Variants in LRRC69 observed in about 807,000 individuals in gnomAD.
LRRC69 encodes leucine rich repeat containing 69.
Under a neutral mutation model 37.8 loss-of-function variants are expected in LRRC69, and 42 were observed. The observed-to-expected ratio is 1.11, with a 90% confidence interval of 0.87 to 1.44. The LOEUF is 1.44. Ranked by LOEUF, LRRC69 falls within the 40% of genes most tolerant of loss-of-function variation. The pLI, the probability that LRRC69 is intolerant of heterozygous loss-of-function variation, is 0.00. For synonymous variants in LRRC69, 141 were observed against 143.1 expected (o/e 0.99, Z 0.11); for missense variants, 357 against 401.9 (o/e 0.89, Z 0.96).
At chr8:91,103,205 GATGCTGTTC>G (rs1264859416) in intron 1 of LRRC69, among the ~76,000 whole-genome samples, 2 of 152,152 alleles carry the variant, frequency 1.3e-5, no homozygotes, top group Non-Finnish European at 2.9e-5. Context: ...GGATCCAGGA[GATGCTGTTC>G]ACCCTGGGGA....
chr8:91,167,428 C>T (rs1446500542), intron 5 of LRRC69, among the ~76,000 whole-genome samples: 1 of 151,618 alleles, frequency 6.6e-6, no homozygotes, highest in Non-Finnish European at 1.5e-5. Context: ...CTTCCACTGG[C>T]TCCCTCCGAC....
chr8:91,179,933 G>A (rs1419063519), intron 5 of LRRC69, among the ~76,000 whole-genome samples: 1 of 152,164 alleles, frequency 6.6e-6, no homozygotes, highest in Non-Finnish European at 1.5e-5. Context: ...GTTTCCAACA[G>A]AATGTTAAGC....
chr8:91,149,601 G>GT (rs1808691675), intron 5 of LRRC69, among the ~76,000 whole-genome samples: 1 of 151,940 alleles, frequency 6.6e-6, no homozygotes, highest in African/African-American at 2.4e-5. Context: ...CTTTAAAGTA[G>GT]TTTTTTCCAA....
At chr8:91,176,134 A>ATATATATATATATTTTTTTTTTT in intron 5 of LRRC69, among the ~76,000 whole-genome samples, 2 of 75,700 alleles carry the variant, frequency 2.6e-5, no homozygotes, top group African/African-American at 1.2e-4. Flanking sequence ...ATATATATAT[A>ATATATATATATATTTTTTTTTTT]TTTTTTTTTT....
At chr8:91,191,052 C>CT (rs796536791) in intron 6 of LRRC69, among the ~76,000 whole-genome samples, 103 of 145,460 alleles carry the variant, frequency 7.1e-4, no homozygotes, top group African/African-American at 2.4e-3. Context: ...CCCCCCCCCC[C>CT]CCAAGTCAAA....
intron 1 of LRRC69, among the ~76,000 whole-genome samples, chr8:91,104,628 C>T (rs1423411214): frequency 6.6e-6 from 1 of 151,902 alleles, no homozygotes; most frequent in Non-Finnish European, 1.5e-5. Context: ...CATCCTCTGC[C>T]CCACTCTATG....
chr8:91,195,199 G>T, intron 6 of LRRC69, among the ~76,000 whole-genome samples: 2 of 151,740 alleles, frequency 1.3e-5, no homozygotes, highest in African/African-American at 2.4e-5. Context: ...TTGCACTGTG[G>T]TCTGAGAGAT....
intron 5 of LRRC69, among the ~76,000 whole-genome samples, chr8:91,149,910 G>A (rs573618591): frequency 1.3e-5 from 2 of 151,998 alleles, no homozygotes; most frequent in Admixed American, 6.6e-5. Flanking sequence ...GTATAAGAAT[G>A]CTGTGATGTT....
At chr8:91,114,343 C>T (rs1197652365) in intron 1 of LRRC69, among the ~76,000 whole-genome samples, 3 of 151,746 alleles carry the variant, frequency 2.0e-5, no homozygotes, top group South Asian at 2.1e-4. Context: ...AAGAGGTATC[C>T]GCACTCACAT....
intron 1 of LRRC69, among the ~76,000 whole-genome samples, chr8:91,114,966 G>T (rs1280319026): frequency 6.6e-6 from 1 of 151,954 alleles, no homozygotes. Flanking sequence ...AATACTACAT[G>T]ATTTCATTTA....
At position 91,197,101 on chromosome 8, in the gene LRRC69, G is replaced by A. The variant is rs1166139137; in HGVS notation, c.754-3512G>A. Among the ~76,000 whole-genome samples, 14 of 152,066 alleles carry A rather than the reference G, an allele frequency of 9.2e-5. No homozygotes were observed. The South Asian group carries it at 1.0e-3, about 11-fold the overall frequency. On this transcript the variant is annotated intron_variant, in intron 6 of 7. Coordinates refer to ENST00000448384, the Ensembl canonical transcript of LRRC69. ...TGCAGGTCTGTTGGAGTACCCTGCG[G>A]TGTGAGGTGTCAGTGTGCCCCTGCT...
chr8:91,187,777 T>G (rs1458182091), intron 5 of LRRC69, among the ~76,000 whole-genome samples: 1 of 152,226 alleles, frequency 6.6e-6, no homozygotes. Flanking sequence ...GTCTTCAGAC[T>G]TATTCAGGGG....
At chr8:91,123,190 C>G (rs1414212727) in intron 1 of LRRC69, among the ~76,000 whole-genome samples, 1 of 152,014 alleles carries the variant, frequency 6.6e-6, no homozygotes, top group Admixed American at 6.6e-5. Flanking sequence ...GAGACTGTTT[C>G]TGATTTCTGA....
intron 6 of LRRC69, among the ~76,000 whole-genome samples, chr8:91,197,588 T>A (rs1015618023): frequency 6.6e-6 from 1 of 152,096 alleles, no homozygotes; most frequent in Non-Finnish European, 1.5e-5. Flanking sequence ...AGTATTAGGG[T>A]GGGAGTGACC....
intron 1 of LRRC69, among the ~76,000 whole-genome samples, chr8:91,110,059 G>A (rs1010021361): frequency 2.0e-5 from 3 of 151,818 alleles, no homozygotes; most frequent in Non-Finnish European, 4.4e-5. Context: ...ATGTAAAATC[G>A]TTATTATTCC....
chr8:91,176,136 T>A lies in LRRC69; in HGVS notation c.652-13386T>A, dbSNP rs201492902. ...CCCTCATATATATATATATATATATTTTTTTTTTTTCTTTTTTTTGAGACA... is the reference window on the plus strand; with the variant it reads ...CCCTCATATATATATATATATATATATTTTTTTTTTCTTTTTTTTGAGACA... On this transcript the variant is annotated intron_variant, in intron 5 of 7. Transcript: ENST00000448384. Among the ~76,000 whole-genome samples the A allele has an allele frequency of 7.0e-4, 17 of 24,164 alleles. 1 individual carries two copies. Among genetic ancestry groups the A allele is most frequent in the African/African-American group, 2.1e-3 (14 of 6,766 alleles). 15.9% of individuals were successfully genotyped at this position (24,164 alleles called of 152,430 possible).
intron 5 of LRRC69, chr8:91,157,205 G>A (rs554791859): frequency 1.0e-6 from 1 of 990,280 alleles, no homozygotes; most frequent in East Asian, 2.6e-5. Context: ...ATTGCTTTGT[G>A]TAATATAATC....
chr8:91,115,589 T>C (rs570968274), intron 1 of LRRC69, among the ~76,000 whole-genome samples: 4 of 152,148 alleles, frequency 2.6e-5, no homozygotes, highest in African/African-American at 9.6e-5. Flanking sequence ...CTCTATGTAC[T>C]AAAGTATGCA....
chr8:91,142,639 C>G (rs927217223), intron 5 of LRRC69, among the ~76,000 whole-genome samples: 5 of 151,946 alleles, frequency 3.3e-5, no homozygotes, highest in African/African-American at 1.2e-4. Context: ...GCTGGGGATC[C>G]CACAGGTTTG....
Sources: gnomAD v4.1 joint callset for allele counts (sites outside exome capture counted in the v4.1 genomes callset) on GRCh38, gnomAD v4.1.1 for gene constraint, MANE v1.5 for transcripts, NCBI Gene and HGNC (gene_info 2026-07-23, HGNC 2026-07-21) for gene names.